Variants in HKDC1 observed in about 807,000 individuals in gnomAD.
HKDC1 encodes hexokinase domain containing 1.
In HKDC1, 66 loss-of-function variants were observed where a neutral mutation model predicts 96.6. The ratio of observed to expected loss-of-function variants is 0.68; its 90% confidence interval spans 0.56 to 0.84. The LOEUF (loss-of-function observed/expected upper bound fraction) is 0.84. Ranked by LOEUF, HKDC1 falls within the 40% of genes least tolerant of loss-of-function variation. HKDC1 has a pLI of 0.00. For missense variants in HKDC1, 1,211 were observed against 1,208.1 expected (o/e 1.00, Z -0.04); for synonymous variants, 466 against 473.1 (o/e 0.98, Z 0.20).
intron 12 of HKDC1, among the ~76,000 whole-genome samples, chr10:69,256,145 A>T (rs750761610): frequency 3.9e-5 from 6 of 152,180 alleles, no homozygotes; most frequent in Non-Finnish European, 7.4e-5. Flanking sequence ...TAATTTTAAA[A>T]ATAAAAATAG....
chr10:69,267,451 T>A lies in HKDC1; in HGVS notation c.*694T>A, dbSNP rs1843924239. On this transcript the variant is annotated 3_prime_UTR_variant, in exon 18 of 18. Coordinates refer to ENST00000354624, the MANE Select transcript of HKDC1 (RefSeq NM_025130.4). ...TGCTGTCTGGGGCATCTGTTTTTCA[T>A]TTTGCCTGTGGTTTGTGTTGCAGGT... The A allele has an allele frequency of 2.2e-6, 1 of 455,482 alleles. No homozygotes were observed. Among genetic ancestry groups the A allele is most frequent in the African/African-American group, 2.0e-5 (1 of 50,104 alleles). 28.2% of individuals were successfully genotyped at this position (455,482 alleles called of 1,614,324 possible).
In HKDC1 at chr10:69,245,206, C is replaced by A. The variant is rs540255988; in HGVS notation, c.876-873C>A. 2.6e-3 allele frequency among the ~76,000 whole-genome samples: 389 copies of A among 152,256 alleles called. 3 individuals are homozygous for A. The highest frequency in any genetic ancestry group is 8.6e-3 in the African/African-American group (357 of 41,558). On this transcript the variant is annotated intron_variant, in intron 7 of 17. Transcript: ENST00000354624. Reference sequence around the variant, plus strand: ...CATGAGTCACTGTACCTGGCCTGTTCTAAGACTTTTTATAGTGAACTATAT... The same window carrying A: ...CATGAGTCACTGTACCTGGCCTGTTATAAGACTTTTTATAGTGAACTATAT...
In HKDC1 at chr10:69,252,192, A is replaced by T. The variant is rs1228009463; in HGVS notation, c.1836+1540A>T. ...TAAATATGGAGACATTTATTACAAA[A>T]TCTTTCCTGTAATTCTAGGGTAAAA... On this transcript the variant is annotated intron_variant, in intron 12 of 17. Coordinates refer to ENST00000354624, the MANE Select transcript of HKDC1 (RefSeq NM_025130.4). Among the ~76,000 whole-genome samples the T allele has an allele frequency of 1.1e-4, 16 of 149,136 alleles. No homozygotes were observed. In the Admixed American group the frequency reaches 1.1e-3, roughly 10 times the overall value.
chr10:69,248,358 C>T lies in HKDC1; in HGVS notation c.1266-66C>T, dbSNP rs910143269. ...CCTCCGGGACTGGGTTTACTGCTGC[C>T]CCTGGGTCTGTGCCTGAGCCTGGCC... On this transcript the variant is annotated intron_variant, in intron 9 of 17. Transcript: ENST00000354624. 4 of 1,484,766 alleles carry T rather than the reference C, an allele frequency of 2.7e-6. No homozygotes were observed. In the African/African-American group the frequency reaches 4.2e-5, roughly 16 times the overall value. The allele number at this position is 1,484,766 out of a possible 1,614,324, so 92.0% of individuals were successfully genotyped here.
chr10:69,259,012 C>T, intron 15 of HKDC1, 53 bp downstream of exon 15: 1 of 1,377,008 alleles, frequency 7.3e-7, no homozygotes, highest in Non-Finnish European at 9.6e-7. Flanking sequence ...AACAACACTA[C>T]CAGACCTAAG....
At chr10:69,264,366 C>G (rs151249649) in intron 16 of HKDC1, among the ~76,000 whole-genome samples, 55 of 151,380 alleles carry the variant, frequency 3.6e-4, no homozygotes, top group African/African-American at 1.3e-3. Flanking sequence ...AATATTCTCA[C>G]GCAAACTCAT....
rs368392345 is a variant in HKDC1 at position 69,262,112 on chromosome 10, G to A, written c.2372+818G>A. 2.8e-3 allele frequency: 1,222 copies of A among 434,562 alleles called. 23 individuals carry two copies. Among genetic ancestry groups the A allele is most frequent in the South Asian group, 0.02 (1,175 of 60,110 alleles). The allele number at this position is 434,562 out of a possible 1,614,324, so 26.9% of individuals were successfully genotyped here. A position where few individuals can be genotyped will look rare whatever the true frequency, so the allele number is the denominator to read the frequency against. On this transcript the variant is annotated intron_variant, in intron 16 of 17. Transcript: ENST00000354624. ...TGGATCTATTATTTCACTAGACATC[G>A]TAAATGGTGATGATTCCTGCAGTTA...
At position 69,231,074 on chromosome 10, in the gene HKDC1, G is replaced by A. The variant is rs1434164871; in HGVS notation, c.227-1690G>A. 4.6e-5 allele frequency among the ~76,000 whole-genome samples: 7 copies of A among 152,270 alleles called. No homozygotes were observed. In the East Asian group the frequency reaches 9.7e-4, roughly 21 times the overall value. ...TGTGGCATCCATGAAATGGCACCTCGAGCCACTGGTGGAGTGAGGTGTTTG... is the reference window on the plus strand; with the variant it reads ...TGTGGCATCCATGAAATGGCACCTCAAGCCACTGGTGGAGTGAGGTGTTTG... On this transcript the variant is annotated intron_variant, in intron 2 of 17. Transcript: ENST00000354624.
chr10:69,262,415 T>A (rs1457993389), intron 16 of HKDC1, among the ~76,000 whole-genome samples: 1 of 150,462 alleles, frequency 6.6e-6, no homozygotes, highest in Non-Finnish European at 1.5e-5. Flanking sequence ...GGCGCAGTGT[T>A]TTTTTTTTTA....
At chr10:69,264,982 A>G (rs918250795) in intron 16 of HKDC1, among the ~76,000 whole-genome samples, 3 of 150,318 alleles carry the variant, frequency 2.0e-5, no homozygotes, top group Admixed American at 6.6e-5. Context: ...TAAGGTTCTG[A>G]TTGTATTTTG....
intron 4 of HKDC1, among the ~76,000 whole-genome samples, chr10:69,238,368 C>CTTTTTTTTTTTTTTTTTTTTTTT (rs55819248): frequency 4.9e-5 from 3 of 61,382 alleles, no homozygotes; most frequent in African/African-American, 1.6e-4. Flanking sequence ...CAGGTATTTT[C>CTTTTTTTTTTTTTTTTTTTTTTT]TTTTTTTTTT....
At chr10:69,254,361 A>C in intron 12 of HKDC1, among the ~76,000 whole-genome samples, 1 of 152,220 alleles carries the variant, frequency 6.6e-6, no homozygotes, top group East Asian at 1.9e-4. Flanking sequence ...AATACACATA[A>C]CATAAATTTC....
rs140573620 is a variant in HKDC1, at chr10:69,235,421, GAAAC to G, written c.495+2304_495+2307del. On this transcript the variant is annotated intron_variant, in intron 4 of 17. Coordinates refer to ENST00000354624, the MANE Select transcript of HKDC1 (RefSeq NM_025130.4). ...TGGGTGACAGCGCGAGACTCTGTCA[GAAAC>G]AAACAAACAAACAAAAAACAACAAC... 3.8e-3 allele frequency among the ~76,000 whole-genome samples: 565 copies of G among 148,152 alleles called. 4 individuals are homozygous for G. Among genetic ancestry groups the G allele is most frequent in the East Asian group, 0.028 (137 of 4,956 alleles).
chr10:69,252,538 G>C (rs976694553), intron 12 of HKDC1, among the ~76,000 whole-genome samples: 1 of 151,640 alleles, frequency 6.6e-6, no homozygotes, highest in African/African-American at 2.4e-5. Flanking sequence ...CCCAGCACTT[G>C]GGAGGCTGAG....
intron 7 of HKDC1, 100 bp from the exon 8 acceptor site, chr10:69,245,979 C>A: frequency 7.0e-7 from 1 of 1,436,622 alleles, no homozygotes; most frequent in Non-Finnish European, 9.6e-7. Context: ...TCAGCCCTCT[C>A]CCATGTGCTC....
chr10:69,230,249 G>A (rs750801948), intron 2 of HKDC1, among the ~76,000 whole-genome samples: 2 of 152,226 alleles, frequency 1.3e-5, no homozygotes, highest in South Asian at 4.1e-4. Flanking sequence ...GAGGGTGACT[G>A]TGATTCTTTG....
chr10:69,221,212 G>A (rs1442783846), intron 1 of HKDC1, among the ~76,000 whole-genome samples: 1 of 152,192 alleles, frequency 6.6e-6, no homozygotes, highest in East Asian at 1.9e-4. Flanking sequence ...ATAAATGTGG[G>A]CAGCAAGAAG....
Position 69,248,656 on chromosome 10 carries a change from A to G in HKDC1, c.1498A>G (p.Lys500Glu), listed in dbSNP as rs147653919. The G allele has an allele frequency of 8.1e-6, 13 of 1,613,878 alleles. No homozygotes were observed. Among genetic ancestry groups the G allele is most frequent in the African/African-American group, 5.3e-5 (4 of 74,934 alleles). Residue 500 changes from lysine to glutamate, a missense_variant, in exon 10 of 18, where the codon AAG becomes GAG. Lys to Glu is a moderately conservative substitution (Grantham distance 56). Transcript: ENST00000354624. Reference protein sequence around the residue: ...KMRAELEYGLKKKSHGLATVR... With the variant: ...KMRAELEYGLEKKSHGLATVR... ...GCGGGCTGAGCTGGAGTATGGGCTG[A>G]AGAAGAAGAGCCACGGGCTGGCCAC...
intron 6 of HKDC1, among the ~76,000 whole-genome samples, chr10:69,242,429 G>GAAAAAAA (rs5785904): frequency 4.3e-5 from 5 of 115,310 alleles, no homozygotes; most frequent in Non-Finnish European, 6.8e-5. Flanking sequence ...AGATACTGAA[G>GAAAAAAA]AAAAAAAAAA....
Sources: gnomAD v4.1 joint callset for allele counts (sites outside exome capture counted in the v4.1 genomes callset) on GRCh38, gnomAD v4.1.1 for gene constraint, MANE v1.5 for transcripts, NCBI Gene and HGNC (gene_info 2026-07-23, HGNC 2026-07-21) for gene names.